Variants in TMEM114 observed in about 807,000 individuals in gnomAD.
The protein encoded by TMEM114 is transmembrane protein 114.
Under a neutral mutation model 6.2 loss-of-function variants are expected in TMEM114, and 6 were observed. The ratio of observed to expected loss-of-function variants is 0.97; its 90% CI spans 0.53 to 1.91. The LOEUF (loss-of-function observed/expected upper bound fraction) is 1.91, where lower values mean the gene tolerates loss of function less well. Among genes scored for constraint, TMEM114 ranks in the 40% most tolerant of loss-of-function variants. TMEM114 has a pLI of 0.01. For missense variants in TMEM114, 218 were observed against 158.3 expected (o/e 1.38, Z -2.02); for synonymous variants, 104 against 73.0 (o/e 1.42, Z -2.16).
chr16:8,528,224 T>A, the TMEM114 span, among the ~76,000 whole-genome samples: 1 of 148,082 alleles, frequency 6.8e-6, no homozygotes, highest in Non-Finnish European at 1.5e-5. Context: ...GTTTCTGATA[T>A]GAATTTGTTC....
chr16:8,554,748 A>T (rs1900952799), intron 2 of TMEM114, among the ~76,000 whole-genome samples: 1 of 152,242 alleles, frequency 6.6e-6, no homozygotes, highest in African/African-American at 2.4e-5. Flanking sequence ...TAGCACTCAC[A>T]GATGAGAAGT....
At chr16:8,534,340 A>G (rs1900294702), downstream of TMEM114, among the ~76,000 whole-genome samples, 1 of 126,746 alleles carries the variant, frequency 7.9e-6, no homozygotes, top group South Asian at 2.8e-4. Flanking sequence ...ATTTAATGCA[A>G]TTTGCTTATT....
intron 2 of TMEM114, among the ~76,000 whole-genome samples, chr16:8,538,717 A>G (rs1900433456): frequency 1.3e-5 from 2 of 152,116 alleles, no homozygotes; most frequent in Admixed American, 1.3e-4. Flanking sequence ...CCTGTTAGCC[A>G]GGATGGTGTC....
chr16:8,557,904 T>C (rs1901066057), intron 2 of TMEM114, among the ~76,000 whole-genome samples: 1 of 152,138 alleles, frequency 6.6e-6, no homozygotes, highest in Non-Finnish European at 1.5e-5. Flanking sequence ...CACCACAAAT[T>C]AGGTGGCTTA....
At position 8,588,944 on chromosome 16, in the gene TMEM114, G is replaced by A. The variant is rs943821692; in HGVS notation, c.301+269C>T. On this transcript the variant is annotated intron_variant, in intron 2 of 3. Coordinates refer to ENST00000620492, the MANE Select transcript of TMEM114 (RefSeq NM_001146336.2). ...CCACTGTGAGCCCCTTGAGGGGATG[G>A]CCTGTGTCTTAACCATCCATCAAAA... Among the ~76,000 whole-genome samples, 1,301 of 152,310 alleles carry A rather than the reference G, an allele frequency of 8.5e-3. 16 individuals are homozygous for A. The highest frequency in any genetic ancestry group is 0.029 in the African/African-American group (1,223 of 41,570).
intron 2 of TMEM114, among the ~76,000 whole-genome samples, chr16:8,584,198 A>G (rs1376986112): frequency 6.6e-6 from 1 of 152,238 alleles, no homozygotes; most frequent in African/African-American, 2.4e-5. Flanking sequence ...ATTCCAGCAG[A>G]CATGAGCTTT....
At chr16:8,558,444 C>T (rs4474660) in intron 2 of TMEM114, among the ~76,000 whole-genome samples, 56,393 of 151,728 alleles carry the variant, frequency 0.37, 11,127 homozygotes, top group East Asian at 0.52. Context: ...TCTCTCCATC[C>T]TCACATGGTC....
At chr16:8,540,359 G>T (rs538363960) in intron 2 of TMEM114, among the ~76,000 whole-genome samples, 1 of 152,292 alleles carries the variant, frequency 6.6e-6, no homozygotes, top group East Asian at 1.9e-4. Flanking sequence ...TCGCTCGCCT[G>T]CTGGGTATCA....
At chr16:8,562,774 G>A (rs1901305767) in intron 2 of TMEM114, among the ~76,000 whole-genome samples, 1 of 151,496 alleles carries the variant, frequency 6.6e-6, no homozygotes, top group East Asian at 1.9e-4. Context: ...GGGAGGGAAT[G>A]AGTGAGTGAA....
At chr16:8,572,368 G>A in intron 2 of TMEM114, 144 bp from the exon 3 acceptor site, 2 of 788,068 alleles carry the variant, frequency 2.5e-6, no homozygotes, top group African/African-American at 1.7e-5. Context: ...TACTGTTTCT[G>A]ATGATGATGA....
chr16:8,575,980 G>C (rs1237077178), intron 2 of TMEM114, among the ~76,000 whole-genome samples: 1 of 152,274 alleles, frequency 6.6e-6, no homozygotes, highest in African/African-American at 2.4e-5. Context: ...ACAGTTTCCA[G>C]CTTCTGGGAA....
rs944165586 is a variant in TMEM114 at position 8,580,211 on chromosome 16, C to T, written c.302-7987G>A. Among the ~76,000 whole-genome samples, 10 of 151,986 alleles carry T rather than the reference C, an allele frequency of 6.6e-5. No individual in the cohort carries two copies. The East Asian group carries it at 1.9e-3, about 29-fold the overall frequency. ...TTCTTAGAAAAAATTAAAACAAGGC[C>T]CGGCACGATGCATGCCTGTAATCCC... On this transcript the variant is annotated intron_variant, in intron 2 of 3. Coordinates refer to ENST00000620492, the MANE Select transcript of TMEM114 (RefSeq NM_001146336.2).
intron 2 of TMEM114, among the ~76,000 whole-genome samples, chr16:8,576,368 C>T (rs1901930523): frequency 6.6e-6 from 1 of 152,214 alleles, no homozygotes; most frequent in Admixed American, 6.5e-5. Context: ...TCCTGGCAAC[C>T]TCTTGCTGAG....
chr16:8,575,260 T>C (rs914847644), intron 2 of TMEM114, among the ~76,000 whole-genome samples: 3 of 152,248 alleles, frequency 2.0e-5, no homozygotes, highest in Middle Eastern at 3.2e-3. Context: ...ACCTGCCCAC[T>C]GATCTAGAAC....
chr16:8,565,517 G>T (rs1168476756), downstream of TMEM114, among the ~76,000 whole-genome samples: 1 of 152,148 alleles, frequency 6.6e-6, no homozygotes, highest in East Asian at 1.9e-4. Flanking sequence ...ACGCGCCGTA[G>T]TCCCACTTCC....
chr16:8,564,442 G>T (rs988387606), intron 2 of TMEM114, among the ~76,000 whole-genome samples: 24 of 141,982 alleles, frequency 1.7e-4, no homozygotes, highest in Non-Finnish European at 3.1e-4. Context: ...AGGGAGGGAG[G>T]GAATGAGTGA....
At chr16:8,527,992 C>T in the TMEM114 span, among the ~76,000 whole-genome samples, 1 of 152,154 alleles carries the variant, frequency 6.6e-6, no homozygotes, top group Non-Finnish European at 1.5e-5. Context: ...ACTGCAACCT[C>T]TGCCTCCCAG....
chr16:8,578,445 G>A (rs1029574362), intron 2 of TMEM114, among the ~76,000 whole-genome samples: 3 of 152,070 alleles, frequency 2.0e-5, no homozygotes, highest in African/African-American at 7.2e-5. Flanking sequence ...CTTCTCATAA[G>A]GACATTTGTC....
Position 8,589,665 on chromosome 16 carries a change from C to G in TMEM114, c.174G>C (p.Gln58His), listed in dbSNP as rs1902423130. The change falls in exon 1 of 4, where the codon CAG (glutamine) becomes CAC (histidine). Residue 58 changes from glutamine to histidine, a missense_variant. Physicochemically the swap from Gln to His is conservative, Grantham distance 24. Coordinates refer to ENST00000620492, the MANE Select transcript of TMEM114 (RefSeq NM_001146336.2). ...QDLLGSINRS[Q>H]PEPLSSHSGL... ...CGGAGTGGGAGCTCAGAGGCTCGGG[C>G]TGGCTGCGATTGATGGACCCCAGCA... is the stretch of plus-strand genomic sequence containing the variant. The G allele has an allele frequency of 2.5e-6, 1 of 398,468 alleles. No individual in the cohort carries two copies. Among genetic ancestry groups the G allele is most frequent in the Non-Finnish European group, 4.4e-6 (1 of 226,052 alleles). The allele number at this position is 398,468 out of a possible 1,614,324, so 24.7% of individuals were successfully genotyped here. A position where few individuals can be genotyped will look rare whatever the true frequency, so the allele number is the denominator to read the frequency against.
Sources: gnomAD v4.1 joint callset for allele counts (sites outside exome capture counted in the v4.1 genomes callset) on GRCh38, gnomAD v4.1.1 for gene constraint, MANE v1.5 for transcripts, NCBI Gene and HGNC (gene_info 2026-07-23, HGNC 2026-07-21) for gene names.